Variants in PABPN1L observed in about 807,000 individuals in gnomAD.
PABPN1L encodes the protein PABPN1 like, cytoplasmic.
Under a neutral mutation model 34.0 loss-of-function variants are expected in PABPN1L, and 45 were observed. The observed-to-expected ratio is 1.32, with a 90% CI of 1.04 to 1.70. The LOEUF is 1.70. Among genes scored for constraint, PABPN1L ranks in the 40% most tolerant of loss-of-function variants. PABPN1L has a pLI of 0.00. For synonymous variants in PABPN1L, 182 were observed against 152.1 expected (o/e 1.20, Z -1.45); for missense variants, 459 against 367.8 (o/e 1.25, Z -2.03).
rs771548606 is a variant in PABPN1L at position 88,865,801 on chromosome 16, C to G, written c.391+5G>C. 1 of 1,601,474 alleles carries G rather than the reference C, an allele frequency of 6.2e-7. No homozygotes were observed. The highest frequency in any genetic ancestry group is 1.7e-5 in the Admixed American group (1 of 59,066). ...TGGGGGGCGGCCTGTGCCCTTGGTT[C>G]CTACCCACGGTCTCAGGGCTCAGCA... On this transcript the variant is annotated splice_donor_5th_base_variant and intron_variant, in intron 2 of 6. Coordinates refer to ENST00000419291, the Ensembl canonical transcript of PABPN1L.
At chr16:88,867,769 T>G (rs1000674599), upstream of PABPN1L, among the ~76,000 whole-genome samples, 1 of 152,210 alleles carries the variant, frequency 6.6e-6, no homozygotes, top group Non-Finnish European at 1.5e-5. Context: ...CCTCTGCACC[T>G]GCCACCGCGG....
upstream of PABPN1L, chr16:88,866,712 C>G (rs536594800): frequency 6.4e-6 from 9 of 1,399,068 alleles, no homozygotes; most frequent in South Asian, 1.4e-4. Flanking sequence ...CCCCTGAGGC[C>G]AGCTGCTCCC....
intron 1 of PABPN1L, 96 bp from the exon 2 acceptor site, chr16:88,866,037 C>T: frequency 6.9e-7 from 1 of 1,449,332 alleles, no homozygotes; most frequent in Non-Finnish European, 9.1e-7. Context: ...AGGGTCACAG[C>T]CCCAAGGGGC....
chr16:88,868,717 C>A (rs1968646616), upstream of PABPN1L, among the ~76,000 whole-genome samples: 1 of 152,154 alleles, frequency 6.6e-6, no homozygotes, highest in South Asian at 2.1e-4. Context: ...GGATAAAAGG[C>A]AAGTGGTAGC....
Position 88,865,947 on chromosome 16 carries a change from G to C in PABPN1L, c.256-6C>G. Reference sequence around the variant, plus strand: ...ATCTTGATGGCCTCCAGCTCCTGCCGACACACGGCCCTGAGCCGGGCAGGC... The same window carrying C: ...ATCTTGATGGCCTCCAGCTCCTGCCCACACACGGCCCTGAGCCGGGCAGGC... On this transcript the variant is annotated splice_region_variant and splice_polypyrimidine_tract_variant and intron_variant, in intron 1 of 6. Transcript: ENST00000419291. The C allele has an allele frequency of 6.2e-7, 1 of 1,604,572 alleles. No individual in the cohort carries two copies. Among genetic ancestry groups the C allele is most frequent in the Non-Finnish European group, 8.5e-7 (1 of 1,178,618 alleles).
At chr16:88,865,698 GC>G in intron 2 of PABPN1L, 68 bp from the exon 3 acceptor site, 1 of 1,554,572 alleles carries the variant, frequency 6.4e-7, no homozygotes, top group Non-Finnish European at 8.7e-7. Flanking sequence ...GGGGAAGGTC[GC>G]CCAGGCTTAT....
chr16:88,868,104 C>T (rs1597643064), upstream of PABPN1L, among the ~76,000 whole-genome samples: 2 of 152,072 alleles, frequency 1.3e-5, no homozygotes, highest in East Asian at 1.9e-4. Flanking sequence ...GCTGGGGGCT[C>T]GGGGAGCAGG....
chr16:88,864,708 C>G, intron 5 of PABPN1L, 145 bp downstream of exon 5: 2 of 985,704 alleles, frequency 2.0e-6, no homozygotes, highest in Non-Finnish European at 3.0e-6. Context: ...CCGAGGGTCC[C>G]GCCACATCCT....
upstream of PABPN1L, among the ~76,000 whole-genome samples, chr16:88,868,205 G>T (rs1166388517): frequency 1.3e-5 from 2 of 152,196 alleles, no homozygotes; most frequent in African/African-American, 2.4e-5. Context: ...TCTGAGATGG[G>T]TCTCAATCAA....
chr16:88,863,382 G>A (rs542687324), exon 7 of PABPN1L: 8 of 376,662 alleles, frequency 2.1e-5, no homozygotes, highest in African/African-American at 1.6e-4. Context: ...TCACCATTAA[G>A]ACACACGTTT....
upstream of PABPN1L, among the ~76,000 whole-genome samples, chr16:88,869,302 C>T (rs529260574): frequency 1.1e-3 from 169 of 152,334 alleles, no homozygotes; most frequent in South Asian, 1.5e-3. Context: ...CTGGCTATGG[C>T]CCTGGACGCC....
At chr16:88,863,550 ACTCGTGGCTGTGG>A (rs1404651486) in exon 7 of PABPN1L, 3 of 685,002 alleles carry the variant, frequency 4.4e-6, no homozygotes, top group Non-Finnish European at 7.7e-6. Context: ...CGTGGCTGTG[ACTCGTGGCTGTGG>A]CCTTGGGTCT....
chr16:88,863,676 T>TGCCCCA lies in PABPN1L; in HGVS notation c.*74_*79dup, dbSNP rs1251861963. ...CTGGCCTCGCCCCCGCGCCACTCCC[T>TGCCCCA]GCCCCAGCCCCAGGATGGAGCACAA... On this transcript the variant is annotated 3_prime_UTR_variant, in exon 7 of 7. Transcript: ENST00000419291. 9 of 1,496,752 alleles carry TGCCCCA rather than the reference T, an allele frequency of 6.0e-6. No homozygotes were observed. In the South Asian group the frequency reaches 7.2e-5, roughly 12 times the overall value. 92.7% of individuals were successfully genotyped at this position (1,496,752 alleles called of 1,614,324 possible).
At chr16:88,864,173 C>G (rs1968522394) in intron 6 of PABPN1L, 64 bp downstream of exon 6, 5 of 1,497,428 alleles carry the variant, frequency 3.3e-6, no homozygotes, top group Non-Finnish European at 3.6e-6. Context: ...GGGACCCCCT[C>G]CTGCCCCTGA....
intron 5 of PABPN1L, 99 bp from the exon 6 acceptor site, chr16:88,864,478 C>G: frequency 1.4e-6 from 2 of 1,441,672 alleles, no homozygotes; most frequent in Non-Finnish European, 1.8e-6. Flanking sequence ...GGGTCCTGCC[C>G]GGCTCAGGAT....
chr16:88,866,010 C>A, intron 1 of PABPN1L, 69 bp from the exon 2 acceptor site: 4 of 1,487,200 alleles, frequency 2.7e-6, no homozygotes, highest in Non-Finnish European at 3.6e-6. Context: ...GGGTGTGTGG[C>A]CTGCCAGCTC....
exon 7 of PABPN1L, chr16:88,863,664 C>G (rs769427048): frequency 6.8e-7 from 1 of 1,466,024 alleles, no homozygotes; most frequent in Non-Finnish European, 9.2e-7. Context: ...GCCTCGCCCC[C>G]GCGCCACTCC....
chr16:88,863,592 C>G, exon 7 of PABPN1L: 2 of 899,264 alleles, frequency 2.2e-6, no homozygotes, highest in Non-Finnish European at 3.5e-6. Flanking sequence ...ATACAAGGCC[C>G]TACTGGGCCA....
chr16:88,864,927 C>G (rs1226679861), exon 5 of PABPN1L: 3 of 1,370,094 alleles, frequency 2.2e-6, no homozygotes, highest in African/African-American at 1.6e-5. Flanking sequence ...GTGGCAAACT[C>G]TATGTAGGCA....
Sources: allele counts gnomAD v4.1 joint callset (sites outside exome capture counted in the v4.1 genomes callset), GRCh38; gene constraint gnomAD v4.1.1; transcripts MANE v1.5; gene names NCBI Gene and HGNC (gene_info 2026-07-23, HGNC 2026-07-21).